PDPN: variants seen among roughly 807,000 people sequenced by gnomAD.
The protein encoded by PDPN is PA2.26 antigen.
In PDPN, 12 loss-of-function variants were observed where a neutral mutation model predicts 23.2. That is an observed-to-expected ratio of 0.52 (90% CI 0.33 to 0.84). The LOEUF (loss-of-function observed/expected upper bound fraction) is 0.84, where lower values mean the gene tolerates loss of function less well. Among genes scored for constraint, PDPN ranks in the 40% least tolerant of loss-of-function variants. PDPN has a pLI of 0.02. For missense variants in PDPN, 199 were observed against 212.2 expected, an observed-to-expected ratio of 0.94 and a Z score of 0.39; for synonymous variants, 77 against 76.7, an observed-to-expected ratio of 1.00 and a Z score of -0.02.
At position 13,591,708 on chromosome 1, in the gene PDPN, T is replaced by C. The variant is rs548319961; in HGVS notation, c.67+7608T>C. Among the ~76,000 whole-genome samples the C allele has an allele frequency of 1.5e-4, 23 of 152,348 alleles. No individual in the cohort carries two copies. The South Asian group carries it at 2.7e-3, about 18-fold the overall frequency. ...GAATTTCGTTCTTTTAAAAAAAATTTTTTAGAGATGAGGTCTTCCTCTGTC... is the reference window on the plus strand; with the variant it reads ...GAATTTCGTTCTTTTAAAAAAAATTCTTTAGAGATGAGGTCTTCCTCTGTC... On this transcript the variant is annotated intron_variant, in intron 1 of 5. Coordinates refer to ENST00000621990, the MANE Select transcript of PDPN (RefSeq NM_006474.5).
chr1:13,607,678 G>A (rs2483134), intron 2 of PDPN, among the ~76,000 whole-genome samples: 1,623 of 152,286 alleles, frequency 0.011, 22 homozygotes, highest in Non-Finnish European at 0.018. Context: ...TGGTTGGAGA[G>A]TAGAAGCCAG....
chr1:13,608,363 T>C (rs965516138), intron 2 of PDPN, among the ~76,000 whole-genome samples: 1 of 152,214 alleles, frequency 6.6e-6, no homozygotes, highest in African/African-American at 2.4e-5. Context: ...TGAGGGAATC[T>C]ATGATTTCTT....
chr1:13,605,630 T>TC (rs551459114), intron 1 of PDPN, among the ~76,000 whole-genome samples: 74 of 152,148 alleles, frequency 4.9e-4, no homozygotes, highest in African/African-American at 1.8e-3. Context: ...GCAGAAACCT[T>TC]TTTTTTTCTT....
intron 1 of PDPN, among the ~76,000 whole-genome samples, chr1:13,594,626 A>C (rs1400540627): frequency 6.6e-6 from 1 of 152,172 alleles, no homozygotes; most frequent in Admixed American, 6.5e-5. Context: ...CAGTTGACTT[A>C]ACCTCTTAGC....
Position 13,615,925 on chromosome 1 carries a change from T to TA in PDPN, c.*15dup, listed in dbSNP as rs779665972. 6 of 1,612,922 alleles carry TA rather than the reference T, an allele frequency of 3.7e-6. No homozygotes were observed. In the East Asian group the frequency reaches 1.3e-4, roughly 36 times the overall value. ...CACAGGCCCTAAAGAGCTGAAGGGTTACGCCCTGCTGCCAACGTGCTTAAA... is the reference window on the plus strand; with the variant it reads ...CACAGGCCCTAAAGAGCTGAAGGGTTAACGCCCTGCTGCCAACGTGCTTAAA... On this transcript the variant is annotated 3_prime_UTR_variant, in exon 6 of 6. Transcript: ENST00000621990.
chr1:13,588,461 G>T (rs1344317676), intron 1 of PDPN, among the ~76,000 whole-genome samples: 1 of 151,686 alleles, frequency 6.6e-6, no homozygotes, highest in Non-Finnish European at 1.5e-5. Context: ...ATATTGTCCT[G>T]CCCCAAAGAG....
Position 13,616,222 on chromosome 1 carries a change from T to C in PDPN, c.*311T>C. On this transcript the variant is annotated 3_prime_UTR_variant, in exon 6 of 6. Coordinates refer to ENST00000621990, the MANE Select transcript of PDPN (RefSeq NM_006474.5). ...CTGATTTGTAACTAACACTGGACCA[T>C]TGGATCGATATTATATGCTGTAACC... is the stretch of plus-strand genomic sequence containing the variant. 2 of 440,958 alleles carry C rather than the reference T, an allele frequency of 4.5e-6. No individual in the cohort carries two copies. Among genetic ancestry groups the C allele is most frequent in the Middle Eastern group, 6.3e-4 (1 of 1,580 alleles). The allele number at this position is 440,958 out of a possible 1,614,324, so 27.3% of individuals were successfully genotyped here. A position where few individuals can be genotyped will look rare whatever the true frequency, so the allele number is the denominator to read the frequency against.
intron 2 of PDPN, among the ~76,000 whole-genome samples, chr1:13,608,853 C>T (rs35299232): frequency 0.02 from 3,004 of 152,170 alleles, 44 homozygotes; most frequent in Non-Finnish European, 0.03. Flanking sequence ...ACTTGAAAGA[C>T]AGTTTTGGCG....
intron 1 of PDPN, among the ~76,000 whole-genome samples, chr1:13,596,563 C>T (rs1466670011): frequency 1.3e-5 from 2 of 152,238 alleles, no homozygotes; most frequent in Non-Finnish European, 1.5e-5. Flanking sequence ...TGAGGGCACA[C>T]AGCTCTGGGT....
In PDPN at chr1:13,606,073, C is replaced by A. The variant is rs183898934; in HGVS notation, c.68-1100C>A. On this transcript the variant is annotated intron_variant, in intron 1 of 5. Transcript: ENST00000621990. The stretch of plus-strand genomic sequence containing the variant: ...GATGCGATCTCAGCTTACTGTAACC[C>A]CTGCTTCCTGGATTCAAGCAATTTT... 9.2e-5 allele frequency among the ~76,000 whole-genome samples: 14 copies of A among 152,064 alleles called. No individual in the cohort carries two copies. In the East Asian group the frequency reaches 2.3e-3, roughly 25 times the overall value.
At chr1:13,598,515 C>G (rs1411310149) in intron 1 of PDPN, among the ~76,000 whole-genome samples, 1 of 152,196 alleles carries the variant, frequency 6.6e-6, no homozygotes, top group Non-Finnish European at 1.5e-5. Context: ...TACACACACA[C>G]TATTCACTTA....
intron 1 of PDPN, among the ~76,000 whole-genome samples, chr1:13,589,817 G>GTATT (rs536782135): frequency 0.055 from 8,120 of 147,760 alleles, 271 homozygotes; most frequent in African/African-American, 0.11. Flanking sequence ...CAAACCACTT[G>GTATT]TATTGATTGA....
At chr1:13,584,256 G>T (rs1249587651) in intron 1 of PDPN, 156 bp downstream of exon 1, 4 of 1,532,340 alleles carry the variant, frequency 2.6e-6, no homozygotes, top group Non-Finnish European at 3.5e-6. Flanking sequence ...CGGAGGAGGA[G>T]AGGCAGCGGC....
chr1:13,610,354 T>G, intron 2 of PDPN, 33 bp from the exon 3 acceptor site: 1 of 1,596,628 alleles, frequency 6.3e-7, no homozygotes, highest in Non-Finnish European at 8.6e-7. Context: ...GTAGGCTTTA[T>G]TTCCTGTTTT....
At chr1:13,584,378 C>T (rs1640120484) in intron 1 of PDPN, 1 of 1,369,622 alleles carries the variant, frequency 7.3e-7, no homozygotes, top group Middle Eastern at 2.6e-4. Context: ...GAGTCGGCAG[C>T]ACCAGAGAGA....
upstream of PDPN, chr1:13,583,765 T>G (rs773474024): frequency 1.3e-6 from 2 of 1,495,630 alleles, no homozygotes; most frequent in Admixed American, 4.5e-5. Context: ...GGAGACCACC[T>G]TGCGGCCGAC....
chr1:13,610,808 T>G (rs1640913727), intron 3 of PDPN, among the ~76,000 whole-genome samples: 1 of 151,966 alleles, frequency 6.6e-6, no homozygotes, highest in Non-Finnish European at 1.5e-5. Context: ...GAATGTGACG[T>G]GAAGAACTTT....
At chr1:13,597,797 C>T (rs1033156955) in intron 1 of PDPN, among the ~76,000 whole-genome samples, 1 of 151,904 alleles carries the variant, frequency 6.6e-6, no homozygotes, top group Non-Finnish European at 1.5e-5. Context: ...CATAGTGAGA[C>T]CCTGTGGTCT....
At position 13,584,095 on chromosome 1, in the gene PDPN, A is replaced by T. The variant is rs771466218; in HGVS notation, c.62A>T (p.Glu21Val). 2.5e-6 allele frequency: 4 copies of T among 1,612,960 alleles called. No homozygotes were observed. The South Asian group carries it at 3.3e-5, about 13-fold the overall frequency. Residue 21 changes from glutamate to valine, a missense_variant, in exon 1 of 6, where the codon GAA (glutamate) becomes GTA (valine). Physicochemically the swap from Glu to Val is moderately radical, Grantham distance 121. Transcript: ENST00000621990. Reference sequence around the variant, plus strand: ...AGCGCGTCGCTCTGGGTCCTGGCAGAAGGAGGTAAGACCCAGCGCAAGTGG... The same window carrying T: ...AGCGCGTCGCTCTGGGTCCTGGCAGTAGGAGGTAAGACCCAGCGCAAGTGG... ...LGSASLWVLA[E>V]GASTGQPEDD...
Sources: gnomAD v4.1 joint callset for allele counts (sites outside exome capture counted in the v4.1 genomes callset) on GRCh38, gnomAD v4.1.1 for gene constraint, MANE v1.5 for transcripts, NCBI Gene and HGNC (gene_info 2026-07-23, HGNC 2026-07-21) for gene names.